The following EPN2 variants were observed in gnomAD, a reference collection of about 807,000 sequenced individuals.
EPN2 encodes epsin-2.
EPN2 carries 34 observed loss-of-function variants against 61.7 expected under a neutral mutation model. That is an observed-to-expected ratio of 0.55 (90% CI 0.42 to 0.73). EPN2 has a LOEUF of 0.73. Among genes scored for constraint, EPN2 ranks in the 30% least tolerant of loss-of-function variants. The probability of loss-of-function intolerance (pLI) is 0.00; values close to 1 mark genes in which losing one functional copy is unlikely to be tolerated. For missense variants in EPN2, 714 were observed against 839.2 expected (o/e 0.85, Z 1.84); for synonymous variants, 349 against 353.6 (o/e 0.99, Z 0.15).
intron 9 of EPN2, among the ~76,000 whole-genome samples, chr17:19,330,222 C>T (rs539947470): frequency 1.8e-4 from 27 of 152,332 alleles, no homozygotes; most frequent in Non-Finnish European, 3.2e-4. Context: ...GCATTCTTCA[C>T]ACACCCTGTT....
At chr17:19,299,426 C>CT (rs1375088417) in intron 4 of EPN2, among the ~76,000 whole-genome samples, 1 of 152,246 alleles carries the variant, frequency 6.6e-6, no homozygotes, top group Non-Finnish European at 1.5e-5. Context: ...TGCAGGTCCT[C>CT]TTTTCCTTAC....
At chr17:19,304,164 G>A (rs1017100801) in intron 4 of EPN2, among the ~76,000 whole-genome samples, 2 of 152,080 alleles carry the variant, frequency 1.3e-5, no homozygotes, top group Admixed American at 6.5e-5. Flanking sequence ...AATTTGCCTC[G>A]TTAGACTAAA....
chr17:19,269,340 A>G (rs938318965), intron 1 of EPN2, among the ~76,000 whole-genome samples: 5 of 152,216 alleles, frequency 3.3e-5, no homozygotes, highest in African/African-American at 9.6e-5. Flanking sequence ...CTCTGCACCA[A>G]AAAAGGAAGT....
chr17:19,328,099 C>A (rs1181328110), intron 7 of EPN2, among the ~76,000 whole-genome samples: 1 of 152,008 alleles, frequency 6.6e-6, no homozygotes, highest in African/African-American at 2.4e-5. Context: ...CCAGTTGTGA[C>A]CCACTAAATT....
At chr17:19,239,281 G>T (rs2044856126) in intron 1 of EPN2, among the ~76,000 whole-genome samples, 1 of 152,198 alleles carries the variant, frequency 6.6e-6, no homozygotes, top group Admixed American at 6.5e-5. Context: ...CGGAGTAGCT[G>T]GGATTACAGG....
At chr17:19,244,533 G>A (rs966003679) in intron 1 of EPN2, among the ~76,000 whole-genome samples, 7 of 151,902 alleles carry the variant, frequency 4.6e-5, no homozygotes, top group Non-Finnish European at 1.0e-4. Flanking sequence ...GGATTCCCAC[G>A]GGGCCACTTG....
chr17:19,336,688 T>G lies in EPN2; in HGVS notation c.*2434T>G, dbSNP rs533197191. 1 of 152,614 alleles carries G rather than the reference T, an allele frequency of 6.6e-6. No individual in the cohort carries two copies. Among genetic ancestry groups the G allele is most frequent in the African/African-American group, 2.4e-5 (1 of 41,460 alleles). The allele number at this position is 152,614 out of a possible 1,614,324, so 9.5% of individuals were successfully genotyped here. A position where few individuals can be genotyped will look rare whatever the true frequency, so the allele number is the denominator to read the frequency against. On this transcript the variant is annotated 3_prime_UTR_variant, in exon 11 of 11. Coordinates refer to ENST00000314728, the MANE Select transcript of EPN2 (RefSeq NM_014964.5). Reference sequence around the variant, plus strand: ...TGACTGTTGATACTTATTTACTGTATAAATATAATTTATCATTTGTACCAT... The same window carrying G: ...TGACTGTTGATACTTATTTACTGTAGAAATATAATTTATCATTTGTACCAT...
At chr17:19,297,577 G>A (rs755446151) in intron 4 of EPN2, among the ~76,000 whole-genome samples, 4 of 152,234 alleles carry the variant, frequency 2.6e-5, no homozygotes, top group African/African-American at 4.8e-5. Context: ...TACCGACACC[G>A]TGTGGTGCTG....
rs373456148 is a variant in EPN2 at position 19,304,176 on chromosome 17, G to T, written c.767-5709G>T. 7.9e-5 allele frequency among the ~76,000 whole-genome samples: 12 copies of T among 152,218 alleles called. No individual in the cohort carries two copies. The South Asian group carries it at 1.2e-3, about 16-fold the overall frequency. On this transcript the variant is annotated intron_variant, in intron 4 of 10. Transcript: ENST00000314728. ...TATAATTTGCCTCGTTAGACTAAAAGCAGCCTTCCCAGCATCTCCCTGCGA... is the reference window on the plus strand; with the variant it reads ...TATAATTTGCCTCGTTAGACTAAAATCAGCCTTCCCAGCATCTCCCTGCGA...
chr17:19,245,535 C>T (rs1186332399), intron 1 of EPN2, among the ~76,000 whole-genome samples: 3 of 151,538 alleles, frequency 2.0e-5, no homozygotes, highest in Non-Finnish European at 4.4e-5. Context: ...CTCCCAGGTT[C>T]AAGCAATCCT....
chr17:19,321,150 T>C (rs1034503261), intron 7 of EPN2, among the ~76,000 whole-genome samples: 4 of 152,162 alleles, frequency 2.6e-5, no homozygotes, highest in Non-Finnish European at 5.9e-5. Context: ...GGGCTGGGCC[T>C]TCCCAGCAAG....
intron 1 of EPN2, among the ~76,000 whole-genome samples, chr17:19,242,235 T>C (rs117538643): frequency 2.0e-5 from 3 of 151,916 alleles, no homozygotes; most frequent in Non-Finnish European, 4.4e-5. Flanking sequence ...CCTAGAGTTT[T>C]TGAGACGAGT....
chr17:19,328,742 G>A lies in EPN2; in HGVS notation c.1179G>A (p.Trp393Ter). 6.2e-7 allele frequency: 1 copy of A among 1,612,786 alleles called. No homozygotes were observed. Among genetic ancestry groups the A allele is most frequent in the Non-Finnish European group, 8.5e-7 (1 of 1,179,284 alleles). Residue 393 changes from tryptophan (W) to a stop codon, truncating the protein, a stop_gained, in exon 8 of 11, where the codon TGG becomes TGA. Transcript: ENST00000314728. LOFTEE classifies it high-confidence loss of function. Reference protein sequence around the residue: ...GTKPAASIDPWGVPTGATVQS... With the variant: ...GTKPAASIDP ...AGCCAGCTGCCTCCATTGACCCATG[G>A]GGGGTGCCCACTGGAGCCACCGTAC...
In EPN2 at chr17:19,280,131, G is replaced by T. The variant is rs565882222; in HGVS notation, c.-293-1824G>T. Among the ~76,000 whole-genome samples, 4 of 152,090 alleles carry T rather than the reference G, an allele frequency of 2.6e-5. No homozygotes were observed. The South Asian group carries it at 6.2e-4, about 24-fold the overall frequency. Reference sequence around the variant, plus strand: ...TAGGATTACAGGTGTGAGCCACCATGCCCAGCCAAAGTCTTTGTCAGTGGT... The same window carrying T: ...TAGGATTACAGGTGTGAGCCACCATTCCCAGCCAAAGTCTTTGTCAGTGGT... On this transcript the variant is annotated intron_variant, in intron 1 of 10. Coordinates refer to ENST00000314728, the MANE Select transcript of EPN2 (RefSeq NM_014964.5).
Position 19,312,069 on chromosome 17 carries a change from G to A in EPN2, c.897G>A (p.Arg299=). The A allele has an allele frequency of 1.2e-6, 2 of 1,613,794 alleles. No homozygotes were observed. The highest frequency in any genetic ancestry group is 2.2e-5 in the South Asian group (2 of 91,066). The change falls in exon 6 of 11, where the codon CGG becomes CGA. Residue 299 remains arginine, a synonymous_variant. Transcript: ENST00000314728. ...CTCTACAGGAAGAACGCCTCAGGCG[G>A]GGTGATGACCTCAGATTACAGATGG... ...EVAEQEERLR[R]GDDLRLQMAL... is the part of the protein sequence containing the mutation.
Position 19,331,777 on chromosome 17 carries a change from C to T in EPN2, c.1412-76C>T. 1.2e-5 allele frequency: 16 copies of T among 1,297,724 alleles called. No homozygotes were observed. The South Asian group carries it at 1.8e-4, about 14-fold the overall frequency. The allele number at this position is 1,297,724 out of a possible 1,614,324, so 80.4% of individuals were successfully genotyped here. A position where few individuals can be genotyped will look rare whatever the true frequency, so the allele number is the denominator to read the frequency against. ...TCAGGCAGGCATGTCCCCAGGAGGC[C>T]ATGTTTTGTGTTAAGTACACAGTCT... is the stretch of plus-strand genomic sequence containing the variant. On this transcript the variant is annotated intron_variant, in intron 9 of 10. Transcript: ENST00000314728.
At chr17:19,312,215 C>A in intron 6 of EPN2, 71 bp downstream of exon 6, 1 of 1,110,498 alleles carries the variant, frequency 9.0e-7, no homozygotes. Context: ...CCCCCACCAA[C>A]TTGCCTGGAT....
At chr17:19,249,293 C>T (rs188129428) in intron 1 of EPN2, 1 of 152,334 alleles carries the variant, frequency 6.6e-6, no homozygotes, top group East Asian at 1.9e-4. Flanking sequence ...AAGCTGGCAC[C>T]CTGAGGGTGG....
intron 1 of EPN2, among the ~76,000 whole-genome samples, chr17:19,260,475 A>G (rs2045129358): frequency 6.6e-6 from 1 of 152,148 alleles, no homozygotes; most frequent in Non-Finnish European, 1.5e-5. Flanking sequence ...GGTCTTGGTA[A>G]TGGGCTCTTA....
Sources: gnomAD v4.1 joint callset for allele counts (sites outside exome capture counted in the v4.1 genomes callset) on GRCh38, gnomAD v4.1.1 for gene constraint, MANE v1.5 for transcripts, NCBI Gene and HGNC (gene_info 2026-07-23, HGNC 2026-07-21) for gene names.